The following UMAD1 variants were observed in gnomAD, a reference collection of about 807,000 sequenced individuals.
UMAD1 encodes the protein UBAP1-MVB12-associated (UMA)-domain containing protein 1.
UMAD1 carries 8 observed loss-of-function variants against 6.1 expected under a neutral mutation model. That is an observed-to-expected ratio of 1.30 (90% CI 0.76 to 2.35). The LOEUF is 2.35. Among genes scored for constraint, UMAD1 ranks in the 30% most tolerant of loss-of-function variants. The pLI is 0.00. For synonymous variants in UMAD1, 56 were observed against 31.4 expected, an observed-to-expected ratio of 1.78 and a Z score of -2.61; for missense variants, 130 against 78.4, an observed-to-expected ratio of 1.66 and a Z score of -2.49.
chr7:7,651,206 T>C (rs568578312), intron 1 of UMAD1, among the ~76,000 whole-genome samples: 2 of 152,286 alleles, frequency 1.3e-5, no homozygotes, highest in African/African-American at 4.8e-5. Flanking sequence ...AAAAATTACA[T>C]AGAAACCAGA....
intron 2 of UMAD1, among the ~76,000 whole-genome samples, chr7:7,720,974 A>C (rs1249393275): frequency 1.3e-5 from 2 of 152,162 alleles, no homozygotes; most frequent in Non-Finnish European, 2.9e-5. Context: ...TCACTGACTG[A>C]TGTCCTTATA....
chr7:7,663,196 C>G (rs907046670), intron 1 of UMAD1, among the ~76,000 whole-genome samples: 4 of 128,274 alleles, frequency 3.1e-5, no homozygotes, highest in African/African-American at 1.1e-4. Flanking sequence ...AAAAAAAAGT[C>G]TGGTCTTGAC....
chr7:7,757,342 C>CCTCT (rs1327576910), intron 2 of UMAD1, among the ~76,000 whole-genome samples: 1 of 152,178 alleles, frequency 6.6e-6, no homozygotes, highest in Non-Finnish European at 1.5e-5. Context: ...TCCGTCTAAT[C>CCTCT]CTCTCTCTCA....
At chr7:7,810,765 A>T (rs1303651457) in intron 3 of UMAD1, among the ~76,000 whole-genome samples, 1 of 152,220 alleles carries the variant, frequency 6.6e-6, no homozygotes, top group East Asian at 1.9e-4. Flanking sequence ...TTTTTGCAAG[A>T]ACTATTTTGT....
chr7:7,662,665 A>G (rs374155679), intron 1 of UMAD1, among the ~76,000 whole-genome samples: 20 of 152,096 alleles, frequency 1.3e-4, no homozygotes, highest in East Asian at 7.7e-4. Flanking sequence ...ACCAGTCCCA[A>G]TGAGATGAGC....
At chr7:7,653,844 A>C (rs763297699) in intron 1 of UMAD1, among the ~76,000 whole-genome samples, 11 of 152,194 alleles carry the variant, frequency 7.2e-5, no homozygotes, top group Non-Finnish European at 4.4e-5. Flanking sequence ...GGGGGATAGG[A>C]AGGCACTTAG....
At chr7:7,686,540 A>G (rs898976352) in intron 2 of UMAD1, among the ~76,000 whole-genome samples, 3 of 152,230 alleles carry the variant, frequency 2.0e-5, no homozygotes, top group African/African-American at 7.2e-5. Flanking sequence ...TCCTGAATGC[A>G]TTACTGAGAA....
intron 2 of UMAD1, among the ~76,000 whole-genome samples, chr7:7,727,383 A>G (rs767336059): frequency 6.6e-5 from 10 of 152,202 alleles, no homozygotes; most frequent in Non-Finnish European, 1.3e-4. Context: ...TCGGTTGTAC[A>G]TAGCATAGTT....
intron 2 of UMAD1, among the ~76,000 whole-genome samples, chr7:7,699,528 T>C (rs960733362): frequency 6.6e-6 from 1 of 152,212 alleles, no homozygotes; most frequent in African/African-American, 2.4e-5. Flanking sequence ...AGTTTCACTT[T>C]AGAAACTGCT....
intron 2 of UMAD1, among the ~76,000 whole-genome samples, chr7:7,744,629 G>A (rs1166334275): frequency 6.7e-6 from 1 of 150,286 alleles, no homozygotes; most frequent in African/African-American, 2.4e-5. Context: ...ATCCTAGTGA[G>A]TGTGATATAG....
chr7:7,860,855 C>T (rs1440719025), intron 3 of UMAD1, among the ~76,000 whole-genome samples: 2 of 151,762 alleles, frequency 1.3e-5, no homozygotes, highest in Non-Finnish European at 1.5e-5. Flanking sequence ...AACCAAATGT[C>T]CATTAGTAGA....
chr7:7,811,021 A>T (rs115255666), intron 3 of UMAD1, among the ~76,000 whole-genome samples: 20 of 152,214 alleles, frequency 1.3e-4, no homozygotes, highest in African/African-American at 4.6e-4. Flanking sequence ...CATGGCCCAA[A>T]CTTTTCTCAT....
At chr7:7,703,213 C>T (rs1780512104) in intron 2 of UMAD1, among the ~76,000 whole-genome samples, 1 of 152,132 alleles carries the variant, frequency 6.6e-6, no homozygotes, top group African/African-American at 2.4e-5. Flanking sequence ...TGTTTGTACT[C>T]TTTTTTGCTG....
chr7:7,794,593 G>C (rs998715805), intron 2 of UMAD1, among the ~76,000 whole-genome samples: 2 of 152,138 alleles, frequency 1.3e-5, no homozygotes, highest in African/African-American at 4.8e-5. Flanking sequence ...AATGTTAAAA[G>C]AGAGATTATA....
At chr7:7,767,064 G>A (rs1216827805) in intron 2 of UMAD1, among the ~76,000 whole-genome samples, 1 of 151,102 alleles carries the variant, frequency 6.6e-6, no homozygotes, top group African/African-American at 2.4e-5. Context: ...TGGCATGAGT[G>A]TATTGCTTCA....
At chr7:7,758,792 T>C (rs1781829385) in intron 2 of UMAD1, among the ~76,000 whole-genome samples, 1 of 152,238 alleles carries the variant, frequency 6.6e-6, no homozygotes, top group Admixed American at 6.5e-5. Flanking sequence ...AATGTTTCTT[T>C]GTATGAAGGT....
intron 2 of UMAD1, among the ~76,000 whole-genome samples, chr7:7,792,129 G>A (rs929604875): frequency 5.9e-5 from 9 of 152,184 alleles, no homozygotes; most frequent in African/African-American, 1.7e-4. Context: ...TGCCAATTTC[G>A]GGTGTTAATA....
At position 7,722,620 on chromosome 7, in the gene UMAD1, C is replaced by G. The variant is rs1206712232; in HGVS notation, c.82+49167C>G. On this transcript the variant is annotated intron_variant, in intron 2 of 3. Transcript: ENST00000682710. ...AATGATGAATTCAGGGATTCTGACT[C>G]CTGGCTACAGAAGCATATACTGAGC... 3.9e-5 allele frequency among the ~76,000 whole-genome samples: 6 copies of G among 152,240 alleles called. No homozygotes were observed. In the East Asian group the frequency reaches 1.2e-3, roughly 29 times the overall value.
At chr7:7,829,987 A>G (rs1783428616) in intron 3 of UMAD1, among the ~76,000 whole-genome samples, 1 of 152,146 alleles carries the variant, frequency 6.6e-6, no homozygotes, top group African/African-American at 2.4e-5. Context: ...CATTGGATTT[A>G]CTACAGAGTC....
Sources: gnomAD v4.1 joint callset for allele counts (sites outside exome capture counted in the v4.1 genomes callset) on GRCh38, gnomAD v4.1.1 for gene constraint, MANE v1.5 for transcripts, NCBI Gene and HGNC (gene_info 2026-07-23, HGNC 2026-07-21) for gene names.